The following OIT3 variants were observed in gnomAD, a reference collection of about 807,000 sequenced individuals.
OIT3 encodes oncoprotein induced transcript 3, also known as oncoprotein-induced transcript 3 protein.
A neutral mutation model predicts 52.2 loss-of-function variants in OIT3; 41 were observed. The observed-to-expected ratio is 0.79, with a 90% CI of 0.61 to 1.02. The LOEUF (loss-of-function observed/expected upper bound fraction) is 1.02. OIT3 is among the 50% of genes least tolerant of loss of function. OIT3 has a pLI of 0.00. For missense variants in OIT3, 634 were observed against 715.5 expected (o/e 0.89, Z 1.30); for synonymous variants, 244 against 276.9 (o/e 0.88, Z 1.18).
At chr10:72,918,163 A>C in intron 6 of OIT3, 1 of 1,268,758 alleles carries the variant, frequency 7.9e-7, no homozygotes, top group Non-Finnish European at 1.1e-6. Flanking sequence ...TCACCTTCTG[A>C]CTCTGCATCT....
At chr10:72,913,804 C>G in intron 6 of OIT3, 1 of 392,216 alleles carries the variant, frequency 2.5e-6, no homozygotes, top group Non-Finnish European at 5.0e-6. Flanking sequence ...GCAACTAATA[C>G]AGTTGGTGGT....
intron 1 of OIT3, 56 bp downstream of exon 1, chr10:72,893,915 A>G (rs1301736390): frequency 2.0e-5 from 26 of 1,322,896 alleles, no homozygotes; most frequent in Non-Finnish European, 2.8e-5. Flanking sequence ...GCAATTTGCT[A>G]TAATGTACAG....
At chr10:72,903,439 G>A (rs1589521923) in intron 3 of OIT3, among the ~76,000 whole-genome samples, 1 of 152,264 alleles carries the variant, frequency 6.6e-6, no homozygotes, top group South Asian at 2.1e-4. Context: ...TGTTAGCCAG[G>A]CTGGTCTTGA....
Position 72,924,287 on chromosome 10 carries a change from C to T in OIT3, c.1010C>T (p.Pro337Leu), listed in dbSNP as rs780471456. ...GTGACAGGTCTACCCAAGCAGACCC[C>T]GGGGAGCAGCGGGGACTTCATCATC... ...NLVTGLPKQT[P>L]GSSGDFIIRT... Residue 337 changes from proline to leucine, a missense_variant, in exon 7 of 9, where the codon CCG becomes CTG. Physicochemically the swap from Pro to Leu is moderately conservative, Grantham distance 98. Coordinates refer to ENST00000334011, the MANE Select transcript of OIT3 (RefSeq NM_152635.3). 11 of 1,613,500 alleles carry T rather than the reference C, an allele frequency of 6.8e-6. No individual in the cohort carries two copies. The highest frequency in any genetic ancestry group is 6.7e-5 in the East Asian group (3 of 44,888).
At chr10:72,920,528 G>A (rs1005243332) in intron 6 of OIT3, among the ~76,000 whole-genome samples, 2 of 152,102 alleles carry the variant, frequency 1.3e-5, no homozygotes, top group Non-Finnish European at 2.9e-5. Flanking sequence ...ATGTCGGGTT[G>A]TTAACTTAAA....
intron 6 of OIT3, among the ~76,000 whole-genome samples, 162 bp from the exon 7 acceptor site, chr10:72,924,067 G>C (rs1213208709): frequency 6.6e-6 from 1 of 152,064 alleles, no homozygotes; most frequent in Non-Finnish European, 1.5e-5. Context: ...ATAACAAGAG[G>C]AGGGCAGTGG....
chr10:72,907,188 A>T (rs376205431), intron 4 of OIT3, among the ~76,000 whole-genome samples: 1 of 152,220 alleles, frequency 6.6e-6, no homozygotes, highest in East Asian at 1.9e-4. Context: ...CAGTAGGATT[A>T]CTTGAGCCCA....
intron 6 of OIT3, among the ~76,000 whole-genome samples, chr10:72,921,748 T>C (rs1024282715): frequency 3.3e-5 from 5 of 151,340 alleles, no homozygotes; most frequent in African/African-American, 1.2e-4. Flanking sequence ...TCTCAGCACA[T>C]GCAACCTCTG....
In OIT3 at chr10:72,893,775, G is replaced by C. The variant is rs143178448; in HGVS notation, c.-24G>C. ...ACCAGTATTAAGAGGATTTTCCAGT[G>C]TTTCTGGCAGTTGGTCCAGAAGGAT... On this transcript the variant is annotated 5_prime_UTR_variant, in exon 1 of 9. Transcript: ENST00000334011. The C allele has an allele frequency of 6.3e-7, 1 of 1,595,208 alleles. No individual in the cohort carries two copies. The highest frequency in any genetic ancestry group is 2.3e-5 in the East Asian group (1 of 43,966).
intron 1 of OIT3, among the ~76,000 whole-genome samples, chr10:72,894,117 G>T (rs571075639): frequency 6.6e-6 from 1 of 151,994 alleles, no homozygotes; most frequent in East Asian, 1.9e-4. Context: ...AGTTCCTGGA[G>T]TATGTGTAAA....
chr10:72,906,511 A>G (rs1845979934), intron 3 of OIT3, 85 bp from the exon 4 acceptor site: 7 of 1,509,890 alleles, frequency 4.6e-6, no homozygotes, highest in Non-Finnish European at 6.4e-6. Flanking sequence ...ACAGGATCTG[A>G]AAAGATGTGG....
chr10:72,902,088 G>A (rs958048134), intron 3 of OIT3, among the ~76,000 whole-genome samples: 2 of 151,810 alleles, frequency 1.3e-5, no homozygotes, highest in African/African-American at 4.8e-5. Context: ...AATAAATAAA[G>A]CCTCCTAAAT....
intron 8 of OIT3, 44 bp downstream of exon 8, chr10:72,930,681 T>C (rs74890672): frequency 1.4e-5 from 4 of 280,644 alleles, no homozygotes; most frequent in Non-Finnish European, 1.8e-5. Flanking sequence ...ACCTGAGCCT[T>C]TTTTTTTTTT....
chr10:72,912,130 C>T (rs762542362), intron 5 of OIT3, among the ~76,000 whole-genome samples: 45 of 152,162 alleles, frequency 3.0e-4, no homozygotes, highest in Non-Finnish European at 4.3e-4. Flanking sequence ...GACATTGATA[C>T]ATCTCCTGTC....
At position 72,931,653 on chromosome 10, in the gene OIT3, T is replaced by A. The variant is rs1421945850; in HGVS notation, c.1468-701T>A. ...TTAAGAGTTATTAAAATGATAAATA[T>A]GGGAAAAGCAGACATAAAAACTGTT... is the stretch of plus-strand genomic sequence containing the variant. On this transcript the variant is annotated intron_variant, in intron 8 of 8. Coordinates refer to ENST00000334011, the MANE Select transcript of OIT3 (RefSeq NM_152635.3). Among the ~76,000 whole-genome samples the A allele has an allele frequency of 2.0e-5, 3 of 152,310 alleles. No homozygotes were observed. The East Asian group carries it at 5.8e-4, about 29-fold the overall frequency.
chr10:72,918,132 A>T, intron 6 of OIT3: 1 of 1,408,546 alleles, frequency 7.1e-7, no homozygotes, highest in Middle Eastern at 2.0e-4. Flanking sequence ...TATACTTAAG[A>T]GTTTCACATC....
chr10:72,893,903 T>C, intron 1 of OIT3, 44 bp downstream of exon 1: 4 of 1,479,598 alleles, frequency 2.7e-6, no homozygotes, highest in Non-Finnish European at 2.8e-6. Context: ...CTTTTTGTTG[T>C]GGCAATTTGC....
chr10:72,929,849 G>A (rs1039864706), intron 7 of OIT3, among the ~76,000 whole-genome samples: 3 of 152,142 alleles, frequency 2.0e-5, no homozygotes, highest in African/African-American at 7.2e-5. Flanking sequence ...AGCCAGGAGT[G>A]CTTCTTTTCC....
At position 72,906,685 on chromosome 10, in the gene OIT3, C is replaced by A. The variant is rs751500410; in HGVS notation, c.634C>A (p.Arg212Ser). Reference protein sequence around the residue: ...NSYRCECGVGRVLRSDGKTCE... With the variant: ...NSYRCECGVGSVLRSDGKTCE... ...CTACCGCTGTGAGTGTGGGGTTGGC[C>A]GTGTGCTAAGAAGTGATGGCAAGAC... Residue 212 changes from arginine (R) to serine (S), a missense_variant, in exon 4 of 9, where the codon CGT becomes AGT. Transcript: ENST00000334011. 2.7e-5 allele frequency: 43 copies of A among 1,607,078 alleles called. No individual in the cohort carries two copies. The highest frequency in any genetic ancestry group is 3.5e-5 in the Non-Finnish European group (41 of 1,176,876).
Sources: gnomAD v4.1 joint callset for allele counts (sites outside exome capture counted in the v4.1 genomes callset) on GRCh38, gnomAD v4.1.1 for gene constraint, MANE v1.5 for transcripts, NCBI Gene and HGNC (gene_info 2026-07-23, HGNC 2026-07-21) for gene names.